PITPNA: variants seen among roughly 807,000 people sequenced by gnomAD.
PITPNA encodes the protein phosphatidylinositol transfer protein alpha, also known as phosphatidylinositol transfer protein alpha isoform.
Under a neutral mutation model 50.3 loss-of-function variants are expected in PITPNA, and 13 were observed. That is an observed-to-expected ratio of 0.26 (90% confidence interval 0.17 to 0.41). The LOEUF (loss-of-function observed/expected upper bound fraction) is 0.41. PITPNA is among the 10% of genes least tolerant of loss of function. The probability of loss-of-function intolerance (pLI) is 1.00; values close to 1 mark genes in which losing one functional copy is unlikely to be tolerated. For missense variants in PITPNA, 207 were observed against 333.4 expected, an observed-to-expected ratio of 0.62 and a Z score of 2.95; for synonymous variants, 120 against 119.6, an observed-to-expected ratio of 1.00 and a Z score of -0.02.
chr17:1,548,751 C>T (rs1333530750), intron 3 of PITPNA, among the ~76,000 whole-genome samples: 1 of 152,188 alleles, frequency 6.6e-6, no homozygotes, highest in Non-Finnish European at 1.5e-5. Context: ...CAAGCATGAA[C>T]CAGTCTCGGT....
chr17:1,538,944 C>G lies in PITPNA; in HGVS notation c.381G>C (p.Lys127Asn). 6.2e-7 allele frequency: 1 copy of G among 1,612,612 alleles called. No individual in the cohort carries two copies. The highest frequency in any genetic ancestry group is 1.1e-5 in the South Asian group (1 of 91,004). The change falls in exon 7 of 12, where the codon AAG (lysine) becomes AAC (asparagine). Residue 127 changes from lysine to asparagine, a missense_variant. Lys to Asn is a moderately conservative substitution (Grantham distance 94). Transcript: ENST00000313486. ...PDLGTQENVH[K>N]LEPEAWKHVE... is the part of the protein sequence containing the mutation. ...CGTGTTTCCACGCCTCAGGCTCCAG[C>G]TTATGCACCTGTGGGAACAAGTGGG...
rs1038259601 is a variant in PITPNA at position 1,517,781 on chromosome 17, G to C, written c.*2780C>G. The C allele has an allele frequency of 1.8e-4, 28 of 152,170 alleles. No homozygotes were observed. Among genetic ancestry groups the C allele is most frequent in the African/African-American group, 5.6e-4 (23 of 41,418 alleles). The allele number at this position is 152,170 out of a possible 1,614,324, so 9.4% of individuals were successfully genotyped here. A position where few individuals can be genotyped will look rare whatever the true frequency, so the allele number is the denominator to read the frequency against. On this transcript the variant is annotated 3_prime_UTR_variant, in exon 12 of 12. Coordinates refer to ENST00000313486, the MANE Select transcript of PITPNA (RefSeq NM_006224.4). ...AAGCAAAAGGACATCCTGTCAGTAG[G>C]AAACGGCCGAATTACAATTCAGATG...
At chr17:1,542,349 C>G (rs1185189389) in intron 5 of PITPNA, among the ~76,000 whole-genome samples, 1 of 152,212 alleles carries the variant, frequency 6.6e-6, no homozygotes, top group Non-Finnish European at 1.5e-5. Flanking sequence ...AAGATACTCA[C>G]CATGGCCCCT....
rs1166012509 is a variant in PITPNA at position 1,562,124 on chromosome 17, G to C, written c.20+417C>G. ...TCTCCCTGCCCTGACCCCGTCTCGG[G>C]CCTGGCCTCGCCCTCGCTGTCCCCG... On this transcript the variant is annotated intron_variant, in intron 1 of 11. Transcript: ENST00000313486. This position sits in a 1 kb window ranked among gnomAD's most constrained non-coding sequence, Gnocchi z 6.4. Among the ~76,000 whole-genome samples the C allele has an allele frequency of 1.3e-5, 2 of 152,118 alleles. No homozygotes were observed. Among genetic ancestry groups the C allele is most frequent in the African/African-American group, 4.8e-5 (2 of 41,420 alleles).
intron 10 of PITPNA, among the ~76,000 whole-genome samples, chr17:1,529,788 G>A (rs1217638328): frequency 1.3e-5 from 2 of 151,490 alleles, no homozygotes; most frequent in African/African-American, 4.8e-5. Flanking sequence ...TGGGGAGTTG[G>A]AGGTTGCAAT....
intron 2 of PITPNA, among the ~76,000 whole-genome samples, chr17:1,554,319 G>A (rs1567587055): frequency 6.6e-6 from 1 of 151,976 alleles, no homozygotes; most frequent in South Asian, 2.1e-4. Context: ...GGGTGGAGGG[G>A]GACAAAGGGT....
At chr17:1,538,681 A>T (rs138598214) in intron 7 of PITPNA, 188 bp downstream of exon 7, 1 of 520,300 alleles carries the variant, frequency 1.9e-6, no homozygotes, top group Non-Finnish European at 3.4e-6. Context: ...AATTTGGGCC[A>T]CTAATTTTCT....
chr17:1,532,051 G>A (rs534479534), intron 10 of PITPNA, among the ~76,000 whole-genome samples: 1 of 152,092 alleles, frequency 6.6e-6, no homozygotes, highest in Admixed American at 6.5e-5. Context: ...TAAGCTTTTG[G>A]CATGATTCTC....
chr17:1,560,113 G>A (rs1000267913), intron 1 of PITPNA, among the ~76,000 whole-genome samples: 6 of 152,314 alleles, frequency 3.9e-5, no homozygotes, highest in Admixed American at 6.5e-5. Flanking sequence ...ACCTGCAGAC[G>A]CTGGGTGGGA....
At chr17:1,545,620 G>A (rs937355337) in intron 4 of PITPNA, among the ~76,000 whole-genome samples, 2 of 152,168 alleles carry the variant, frequency 1.3e-5, no homozygotes, top group African/African-American at 2.4e-5. Context: ...CTCCAGTGGC[G>A]CAATTGGTTA....
intron 2 of PITPNA, among the ~76,000 whole-genome samples, chr17:1,554,992 C>T (rs962492529): frequency 2.6e-5 from 4 of 152,182 alleles, no homozygotes; most frequent in Non-Finnish European, 5.9e-5. Context: ...CACATGAAAA[C>T]CCGTCAGGTG....
chr17:1,542,037 T>TA (rs1374757361), intron 5 of PITPNA, among the ~76,000 whole-genome samples: 1 of 151,858 alleles, frequency 6.6e-6, no homozygotes, highest in African/African-American at 2.4e-5. Context: ...CCGTCTCTAC[T>TA]AAAAATACAA....
At chr17:1,521,252 G>A (rs2151000685) in intron 11 of PITPNA, among the ~76,000 whole-genome samples, 1 of 152,326 alleles carries the variant, frequency 6.6e-6, no homozygotes, top group East Asian at 1.9e-4. Flanking sequence ...GGGAAGGCCA[G>A]GGAGTGCCCA....
At chr17:1,524,209 T>C (rs2075532455) in intron 10 of PITPNA, among the ~76,000 whole-genome samples, 1 of 151,660 alleles carries the variant, frequency 6.6e-6, no homozygotes, top group Non-Finnish European at 1.5e-5. Context: ...CACGCCCGGC[T>C]AATTTTTTGT....
At position 1,562,439 on chromosome 17, in the gene PITPNA, C is replaced by T. The variant is rs1251803482; in HGVS notation, c.20+102G>A. ...CTCAGGCACCCTCCGTCCCTGCTGC[C>T]CCTCCGTCCATCCGGGCCCTGCGTC... On this transcript the variant is annotated intron_variant, in intron 1 of 11. Coordinates refer to ENST00000313486, the MANE Select transcript of PITPNA (RefSeq NM_006224.4). This position sits in a 1 kb window ranked among gnomAD's most constrained non-coding sequence, Gnocchi z 6.4. 15 of 979,648 alleles carry T rather than the reference C, an allele frequency of 1.5e-5. No individual in the cohort carries two copies. In the South Asian group the frequency reaches 1.9e-4, roughly 13 times the overall value. 60.7% of individuals were successfully genotyped at this position (979,648 alleles called of 1,614,324 possible).
Position 1,535,425 on chromosome 17 carries a change from A to G in PITPNA, c.534+16T>C. 1.2e-6 allele frequency: 2 copies of G among 1,602,508 alleles called. No individual in the cohort carries two copies. Among genetic ancestry groups the G allele is most frequent in the Non-Finnish European group, 1.7e-6 (2 of 1,169,548 alleles). On this transcript the variant is annotated intron_variant, in intron 8 of 11. Transcript: ENST00000313486. Reference sequence around the variant, plus strand: ...CATGCTGCCCAGCCCCCTGGCAGTGAAGGTGTGAATGGTACCTTCCAATTG... The same window carrying G: ...CATGCTGCCCAGCCCCCTGGCAGTGGAGGTGTGAATGGTACCTTCCAATTG...
At chr17:1,525,885 T>C (rs566475508) in intron 10 of PITPNA, among the ~76,000 whole-genome samples, 10 of 152,172 alleles carry the variant, frequency 6.6e-5, no homozygotes, top group Non-Finnish European at 1.3e-4. Flanking sequence ...TGTGTGAACA[T>C]GATATATGAC....
chr17:1,530,718 TA>T (rs1449550232), intron 10 of PITPNA, among the ~76,000 whole-genome samples: 1 of 152,096 alleles, frequency 6.6e-6, no homozygotes, highest in African/African-American at 2.4e-5. Context: ...TTTAAAAAGA[TA>T]AAAACTATGA....
At chr17:1,537,801 TTG>T (rs140453081) in intron 7 of PITPNA, among the ~76,000 whole-genome samples, 9 of 151,066 alleles carry the variant, frequency 6.0e-5, no homozygotes, top group Non-Finnish European at 1.0e-4. Context: ...CAAAATAACT[TTG>T]TGTGTGTGTG....
Sources: gnomAD v4.1 joint callset for allele counts (sites outside exome capture counted in the v4.1 genomes callset) on GRCh38, gnomAD v4.1.1 for gene constraint, Gnocchi (gnomAD v3.1) non-coding constraint, MANE v1.5 for transcripts, NCBI Gene and HGNC (gene_info 2026-07-23, HGNC 2026-07-21) for gene names.